FOCAD: variants seen among roughly 807,000 people sequenced by gnomAD.
FOCAD encodes KIAA1797.
In FOCAD, 198 loss-of-function variants were observed where a neutral mutation model predicts 225.6. The ratio of observed to expected loss-of-function variants is 0.88; its 90% CI spans 0.78 to 0.99. The LOEUF is 0.99. Ranked by LOEUF, FOCAD falls within the 50% of genes least tolerant of loss-of-function variation. The pLI is 0.00. For missense variants in FOCAD, 2,713 were observed against 2,123.6 expected (o/e 1.28, Z -5.46); for synonymous variants, 897 against 755.0 (o/e 1.19, Z -3.08).
At chr9:20,977,829 T>G (rs1233579829) in intron 36 of FOCAD, among the ~76,000 whole-genome samples, 1 of 152,188 alleles carries the variant, frequency 6.6e-6, no homozygotes, top group Admixed American at 6.5e-5. Context: ...CCTCTCCTTG[T>G]TTGGTGTGCT....
intron 24 of FOCAD, among the ~76,000 whole-genome samples, chr9:20,917,188 CTG>C (rs1175848377): frequency 6.6e-6 from 1 of 151,818 alleles, no homozygotes; most frequent in African/African-American, 2.4e-5. Flanking sequence ...AGTTGAGCCC[CTG>C]CTGTATACCT....
At chr9:20,854,428 T>C (rs117237127) in intron 15 of FOCAD, among the ~76,000 whole-genome samples, 148 of 151,898 alleles carry the variant, frequency 9.7e-4, no homozygotes, top group Non-Finnish European at 1.8e-3. Context: ...ACTAGTATTA[T>C]TTCCATTTTG....
At chr9:20,700,396 A>T (rs79749636) in intron 1 of FOCAD, among the ~76,000 whole-genome samples, 5 of 135,048 alleles carry the variant, frequency 3.7e-5, no homozygotes, top group East Asian at 3.1e-4. Context: ...GTGTTCTTTG[A>T]TTTTTTTTTT....
intron 1 of FOCAD, among the ~76,000 whole-genome samples, chr9:20,698,539 CA>C (rs1470552043): frequency 1.3e-5 from 2 of 151,978 alleles, no homozygotes; most frequent in Non-Finnish European, 2.9e-5. Context: ...TAACTGAGAC[CA>C]CAGGGACACG....
intron 21 of FOCAD, among the ~76,000 whole-genome samples, chr9:20,904,219 C>G (rs897070209): frequency 1.3e-5 from 2 of 151,888 alleles, no homozygotes; most frequent in African/African-American, 4.8e-5. Context: ...CTATGAACAT[C>G]GATATACATG....
intron 1 of FOCAD, among the ~76,000 whole-genome samples, chr9:20,705,916 A>C (rs977540668): frequency 2.1e-5 from 3 of 141,814 alleles, no homozygotes; most frequent in African/African-American, 8.0e-5. Flanking sequence ...GGCATTATTC[A>C]GTTTTAAGTT....
At chr9:20,974,286 C>G (rs1397478792) in intron 35 of FOCAD, among the ~76,000 whole-genome samples, 2 of 128,352 alleles carry the variant, frequency 1.6e-5, no homozygotes, top group African/African-American at 6.2e-5. Flanking sequence ...CCTACTTCCC[C>G]CTTCTTTCAG....
intron 42 of FOCAD, among the ~76,000 whole-genome samples, chr9:20,992,122 T>A (rs1564255612): frequency 6.6e-6 from 1 of 152,206 alleles, no homozygotes; most frequent in Non-Finnish European, 1.5e-5. Flanking sequence ...CCAATGTATG[T>A]GTTTTTAGTG....
intron 8 of FOCAD, among the ~76,000 whole-genome samples, chr9:20,771,827 G>T (rs1818265953): frequency 1.3e-5 from 2 of 152,184 alleles, no homozygotes; most frequent in Non-Finnish European, 2.9e-5. Flanking sequence ...ACAGGGTGCT[G>T]GCTGATTCTG....
At chr9:20,705,532 G>A (rs1305472879) in intron 1 of FOCAD, among the ~76,000 whole-genome samples, 2 of 152,104 alleles carry the variant, frequency 1.3e-5, no homozygotes, top group African/African-American at 4.8e-5. Flanking sequence ...TTTGAAGTAA[G>A]ATTGTGAATG....
chr9:20,930,555 C>T (rs1316779150), intron 27 of FOCAD, among the ~76,000 whole-genome samples: 3 of 152,188 alleles, frequency 2.0e-5, no homozygotes, highest in Non-Finnish European at 4.4e-5. Flanking sequence ...AACTGGATGA[C>T]ACTATGCTAT....
chr9:20,697,481 G>C (rs1823472538), intron 1 of FOCAD, among the ~76,000 whole-genome samples: 1 of 152,198 alleles, frequency 6.6e-6, no homozygotes, highest in Admixed American at 6.5e-5. Flanking sequence ...CTAACTTGCT[G>C]ACTTGCACTA....
At chr9:20,794,582 T>A (rs12001395) in intron 11 of FOCAD, among the ~76,000 whole-genome samples, 10,318 of 152,240 alleles carry the variant, frequency 0.068, 677 homozygotes, top group African/African-American at 0.17. Context: ...GGCTACAGAT[T>A]GTTAGGACCG....
At chr9:20,893,994 T>G (rs748456481) in intron 21 of FOCAD, among the ~76,000 whole-genome samples, 1 of 152,130 alleles carries the variant, frequency 6.6e-6, no homozygotes, top group Non-Finnish European at 1.5e-5. Flanking sequence ...TCATACACAG[T>G]AGTTTTGCTT....
intron 15 of FOCAD, among the ~76,000 whole-genome samples, chr9:20,830,788 C>A (rs1050969897): frequency 1.3e-5 from 2 of 151,884 alleles, no homozygotes; most frequent in African/African-American, 4.8e-5. Context: ...GGGATCCTCC[C>A]ACCTTAGACT....
chr9:20,948,241 T>C, intron 30 of FOCAD, 30 bp from the exon 31 acceptor site: 1 of 1,565,614 alleles, frequency 6.4e-7, no homozygotes, highest in Admixed American at 1.9e-5. Flanking sequence ...TTTTTCTTTT[T>C]CTTACCCCAT....
intron 21 of FOCAD, among the ~76,000 whole-genome samples, chr9:20,887,056 GA>G (rs965177357): frequency 6.6e-6 from 1 of 152,024 alleles, no homozygotes; most frequent in Non-Finnish European, 1.5e-5. Flanking sequence ...AATACATTTG[GA>G]TTTTTCCAAG....
upstream of FOCAD, among the ~76,000 whole-genome samples, chr9:20,679,584 T>C (rs1388527504): frequency 6.6e-6 from 1 of 152,136 alleles, no homozygotes; most frequent in Non-Finnish European, 1.5e-5. Flanking sequence ...CTCTTTTTTT[T>C]TGTTGTTGTT....
upstream of FOCAD, chr9:20,683,196 CAG>C (rs1212904933): frequency 2.0e-5 from 3 of 152,144 alleles, no homozygotes; most frequent in African/African-American, 4.8e-5. Context: ...AAATGAGAAA[CAG>C]AACTTCTTGT....
Sources: allele counts gnomAD v4.1 joint callset (sites outside exome capture counted in the v4.1 genomes callset), GRCh38; gene constraint gnomAD v4.1.1; transcripts MANE v1.5; gene names NCBI Gene and HGNC (gene_info 2026-07-23, HGNC 2026-07-21).